DENND1B: variants seen among roughly 807,000 people sequenced by gnomAD.
DENND1B encodes DENN domain containing 1B, also known as DENN domain-containing protein 1B.
In DENND1B, 59 loss-of-function variants were observed where a neutral mutation model predicts 90.1. That is an observed-to-expected ratio of 0.65 (90% CI 0.53 to 0.81). The LOEUF (loss-of-function observed/expected upper bound fraction) is 0.81, where lower values mean the gene tolerates loss of function less well. DENND1B is among the 40% of genes least tolerant of loss of function. DENND1B has a pLI of 0.00. For missense variants in DENND1B, 862 were observed against 912.6 expected, an observed-to-expected ratio of 0.94 and a Z score of 0.71; for synonymous variants, 337 against 324.6, an observed-to-expected ratio of 1.04 and a Z score of -0.41.
chr1:197,546,132 GT>G lies in DENND1B; in HGVS notation c.1282-143del, dbSNP rs1473925049. Reference sequence around the variant, plus strand: ...CTATACAAATTATTTCATGTTCAGTGTTCAGTGTTTTCAAGTTTCTATGTAC... The same window carrying G: ...CTATACAAATTATTTCATGTTCAGTGTCAGTGTTTTCAAGTTTCTATGTAC... On this transcript the variant is annotated intron_variant, in intron 17 of 22. Transcript: ENST00000620048. 8.7e-6 allele frequency: 5 copies of G among 573,358 alleles called. No homozygotes were observed. In the East Asian group the frequency reaches 1.3e-4, roughly 15 times the overall value. The allele number at this position is 573,358 out of a possible 1,614,324, so 35.5% of individuals were successfully genotyped here.
At chr1:197,657,215 T>C (rs1653931409) in intron 6 of DENND1B, among the ~76,000 whole-genome samples, 1 of 152,150 alleles carries the variant, frequency 6.6e-6, no homozygotes, top group Non-Finnish European at 1.5e-5. Context: ...ACTCTTACGA[T>C]TCAACAACAA....
At chr1:197,567,806 T>C (rs948070032) in intron 15 of DENND1B, among the ~76,000 whole-genome samples, 2 of 152,114 alleles carry the variant, frequency 1.3e-5, no homozygotes, top group African/African-American at 4.8e-5. Context: ...AAATAATTTA[T>C]CTCACCACAA....
intron 3 of DENND1B, among the ~76,000 whole-genome samples, chr1:197,678,264 TATTA>T (rs1241589561): frequency 1.3e-5 from 2 of 152,216 alleles, no homozygotes; most frequent in Non-Finnish European, 2.9e-5. Flanking sequence ...CTCATAATGA[TATTA>T]ATCAAATATT....
intron 14 of DENND1B, among the ~76,000 whole-genome samples, chr1:197,590,142 G>C (rs574906133): frequency 6.6e-6 from 1 of 152,218 alleles, no homozygotes; most frequent in African/African-American, 2.4e-5. Context: ...TTATGCTAAA[G>C]GGATTTTCCT....
rs2125584715 is a variant in DENND1B at position 197,507,063 on chromosome 1, G to A, written c.*3397C>T. The A allele has an allele frequency of 6.6e-6, 1 of 151,018 alleles. No homozygotes were observed. The highest frequency in any genetic ancestry group is 2.4e-5 in the African/African-American group (1 of 41,388). The allele number at this position is 151,018 out of a possible 1,614,324, so 9.4% of individuals were successfully genotyped here. ...ATACTATGGTTCATACTTAGAGCAT[G>A]CTTTAAATTAAGCAGCCAGTTTTTG... On this transcript the variant is annotated 3_prime_UTR_variant, in exon 23 of 23. Transcript: ENST00000620048.
At chr1:197,773,318 G>A (rs940955953) in intron 1 of DENND1B, among the ~76,000 whole-genome samples, 1 of 152,198 alleles carries the variant, frequency 6.6e-6, no homozygotes, top group African/African-American at 2.4e-5. Context: ...TTAAAAGCCA[G>A]AGTGTCCCTA....
chr1:197,592,238 G>A (rs2125799753), intron 14 of DENND1B, among the ~76,000 whole-genome samples: 1 of 151,676 alleles, frequency 6.6e-6, no homozygotes, highest in South Asian at 2.1e-4. Flanking sequence ...TCACTAGCTA[G>A]AGAAACAGTG....
intron 15 of DENND1B, among the ~76,000 whole-genome samples, chr1:197,562,885 G>A (rs760934129): frequency 6.6e-6 from 1 of 151,932 alleles, no homozygotes; most frequent in Non-Finnish European, 1.5e-5. Context: ...AGGTGAAACA[G>A]CCTTATTGCT....
At chr1:197,553,264 C>T in intron 15 of DENND1B, 152 bp from the exon 16 acceptor site, 1 of 532,400 alleles carries the variant, frequency 1.9e-6, no homozygotes, top group Non-Finnish European at 3.0e-6. Flanking sequence ...TGTATATATA[C>T]ACACACACAA....
chr1:197,662,960 T>A (rs1420532589), intron 5 of DENND1B, among the ~76,000 whole-genome samples: 1 of 152,142 alleles, frequency 6.6e-6, no homozygotes, highest in African/African-American at 2.4e-5. Context: ...TTCTTTAAAG[T>A]AACATTTTGG....
intron 20 of DENND1B, among the ~76,000 whole-genome samples, chr1:197,516,856 C>T (rs1432376577): frequency 6.6e-6 from 1 of 151,646 alleles, no homozygotes; most frequent in Non-Finnish European, 1.5e-5. Context: ...AATCTGAACC[C>T]ACACAATAAA....
At chr1:197,542,970 T>G (rs1670453151) in intron 18 of DENND1B, among the ~76,000 whole-genome samples, 1 of 152,110 alleles carries the variant, frequency 6.6e-6, no homozygotes, top group Non-Finnish European at 1.5e-5. Flanking sequence ...AGTCTCACTT[T>G]GTGGCCCAGG....
chr1:197,777,200 A>G (rs777421641), upstream of DENND1B, among the ~76,000 whole-genome samples: 12 of 152,182 alleles, frequency 7.9e-5, no homozygotes, highest in Non-Finnish European at 1.8e-4. Context: ...AAAGAAAGGA[A>G]CCCTACTTGG....
intron 3 of DENND1B, among the ~76,000 whole-genome samples, chr1:197,699,755 C>T (rs887202935): frequency 1.3e-5 from 2 of 151,910 alleles, no homozygotes; most frequent in African/African-American, 4.8e-5. Flanking sequence ...ACAAAGTATT[C>T]CTTTACAAAC....
intron 11 of DENND1B, among the ~76,000 whole-genome samples, chr1:197,617,431 A>G (rs1677756715): frequency 6.6e-6 from 1 of 151,182 alleles, no homozygotes; most frequent in Admixed American, 6.6e-5. Context: ...AAATGACTGC[A>G]GAAGAAATTC....
At chr1:197,656,286 G>A (rs1653816181) in intron 6 of DENND1B, among the ~76,000 whole-genome samples, 1 of 148,440 alleles carries the variant, frequency 6.7e-6, no homozygotes, top group Admixed American at 6.7e-5. Context: ...CAAAAGAGAA[G>A]GTGAGGACAT....
chr1:197,580,117 G>C (rs1225145376), intron 15 of DENND1B, among the ~76,000 whole-genome samples: 3 of 96,780 alleles, frequency 3.1e-5, no homozygotes, highest in Non-Finnish European at 5.6e-5. Context: ...TTTGAGATAA[G>C]AGTCTCACTC....
rs148385771 is a variant in DENND1B, at chr1:197,665,098, T to C, written c.297-6729A>G. Among the ~76,000 whole-genome samples, 244 of 152,234 alleles carry C rather than the reference T, an allele frequency of 1.6e-3. 1 individual carries two copies. The highest frequency in any genetic ancestry group is 0.013 in the South Asian group (64 of 4,828). The stretch of plus-strand genomic sequence containing the variant: ...TGTTAAAAGTAGGATAGACATGTCA[T>C]AGAAAGAACAAAAGAACAGAACAGT... On this transcript the variant is annotated intron_variant, in intron 5 of 22. Coordinates refer to ENST00000620048, the MANE Select transcript of DENND1B (RefSeq NM_001195215.2).
chr1:197,738,409 T>C (rs1270832113), intron 2 of DENND1B, among the ~76,000 whole-genome samples: 1 of 152,194 alleles, frequency 6.6e-6, no homozygotes, highest in Non-Finnish European at 1.5e-5. Flanking sequence ...GGGTTTTCAG[T>C]AGTTGCATCC....
Sources: allele counts gnomAD v4.1 joint callset (sites outside exome capture counted in the v4.1 genomes callset), GRCh38; gene constraint gnomAD v4.1.1; transcripts MANE v1.5; gene names NCBI Gene and HGNC (gene_info 2026-07-23, HGNC 2026-07-21).